The following TERT variants were observed in gnomAD, a reference collection of about 807,000 sequenced individuals.
TERT encodes telomerase catalytic subunit.
A neutral mutation model predicts 104.0 loss-of-function variants in TERT; 42 were observed. That is an observed-to-expected ratio of 0.40 (90% confidence interval 0.32 to 0.52). TERT has a LOEUF of 0.52. Ranked by LOEUF, TERT falls within the 20% of genes least tolerant of loss-of-function variation. The probability of loss-of-function intolerance (pLI) is 0.43; values close to 1 mark genes in which losing one functional copy is unlikely to be tolerated. For synonymous variants in TERT, 781 were observed against 725.6 expected (o/e 1.08, Z -1.23); for missense variants, 1,101 against 1,610.3 (o/e 0.68, Z 5.41).
In TERT at chr5:1,293,684, G is replaced by A. The variant is rs539667998; in HGVS notation, c.1202C>T (p.Ala401Val). 9.5e-6 allele frequency: 15 copies of A among 1,573,188 alleles called. No individual in the cohort carries two copies. In the South Asian group the frequency reaches 1.4e-4, roughly 15 times the overall value. The part of the protein sequence containing the change: ...PLFLELLGNH[A>V]QCPYGVLLKT... ...GAGGAGCACCCCGTAGGGGCACTGCGCGTGGTTCCCAAGCAGCTCCAGAAA... is the reference window on the plus strand; with the variant it reads ...GAGGAGCACCCCGTAGGGGCACTGCACGTGGTTCCCAAGCAGCTCCAGAAA... Residue 401 changes from alanine (A) to valine (V), a missense_variant, in exon 2 of 16, where the codon GCG becomes GTG. Coordinates refer to ENST00000310581, the MANE Select transcript of TERT (RefSeq NM_198253.3).
Position 1,270,983 on chromosome 5 carries a change from G to A in TERT, c.2468+136C>T. 1.4e-6 allele frequency: 1 copy of A among 710,566 alleles called. No individual in the cohort carries two copies. The highest frequency in any genetic ancestry group is 2.4e-6 in the Non-Finnish European group (1 of 412,424). 44.0% of individuals were successfully genotyped at this position (710,566 alleles called of 1,614,324 possible). ...AGCCTGCAGCCCAGGAGCCGGAGGG[G>A]GCGGGGGCCAGAAAAGGAGACTCTG... On this transcript the variant is annotated intron_variant, in intron 8 of 15. Coordinates refer to ENST00000310581, the MANE Select transcript of TERT (RefSeq NM_198253.3). The surrounding 1 kb of genome is among the most constrained non-coding windows in gnomAD (Gnocchi z 8.3).
At chr5:1,277,053 G>A (rs940056982) in intron 6 of TERT, among the ~76,000 whole-genome samples, 3 of 152,216 alleles carry the variant, frequency 2.0e-5, no homozygotes, top group African/African-American at 7.2e-5. Flanking sequence ...GGGGCAGGAC[G>A]GACAGCCACC....
At position 1,286,109 on chromosome 5, in the gene TERT, G is replaced by A. The variant is rs1014193361; in HGVS notation, c.1574-3485C>T. On this transcript the variant is annotated intron_variant, in intron 2 of 15. Transcript: ENST00000310581. The surrounding 1 kb of genome is among the most constrained non-coding windows in gnomAD (Gnocchi z 5.3). Reference sequence around the variant, plus strand: ...CAGGCTGAACCCAGGCCGAGCGGACGTTGCTGTCACTCACTGGCTAAGGAA... The same window carrying A: ...CAGGCTGAACCCAGGCCGAGCGGACATTGCTGTCACTCACTGGCTAAGGAA... Among the ~76,000 whole-genome samples, 4 of 152,268 alleles carry A rather than the reference G, an allele frequency of 2.6e-5. No homozygotes were observed. Among genetic ancestry groups the A allele is most frequent in the East Asian group, 1.9e-4 (1 of 5,164 alleles).
In TERT at chr5:1,253,592, CCAAA is replaced by C. The variant is rs1396223784; in HGVS notation, c.*132_*135del. On this transcript the variant is annotated 3_prime_UTR_variant, in exon 16 of 16. Coordinates refer to ENST00000310581, the MANE Select transcript of TERT (RefSeq NM_198253.3). ...CTTCAGCCGGACATGCAGGCCTCGG[CCAAA>C]CACTCACTCAGGCCTCAGACTCCCA... 6.7e-6 allele frequency: 5 copies of C among 750,414 alleles called. No homozygotes were observed. Among genetic ancestry groups the C allele is most frequent in the Non-Finnish European group, 9.0e-6 (4 of 442,400 alleles). The allele number at this position is 750,414 out of a possible 1,614,324, so 46.5% of individuals were successfully genotyped here. A position where few individuals can be genotyped will look rare whatever the true frequency, so the allele number is the denominator to read the frequency against.
chr5:1,260,558 G>A lies in TERT; in HGVS notation c.2886C>T (p.Arg962=), dbSNP rs542440625. The change falls in exon 12 of 16, where the codon CGC becomes CGT. Residue 962 remains arginine (R), a synonymous_variant. Transcript: ENST00000310581. Reference sequence around the variant, plus strand: ...GCATGTTCCTCCCAGCCTTGAAGCCGCGGTTGAAGGTGAGACTGGCTCTGA... The same window carrying A: ...GCATGTTCCTCCCAGCCTTGAAGCCACGGTTGAAGGTGAGACTGGCTCTGA... ...TSIRASLTFN[R]GFKAGRNMRR... is the part of the protein sequence containing the mutation. 2.9e-5 allele frequency: 47 copies of A among 1,614,186 alleles called. No individual in the cohort carries two copies. The highest frequency in any genetic ancestry group is 1.1e-4 in the East Asian group (5 of 44,886).
At position 1,253,228 on chromosome 5, in the gene TERT, A is replaced by G. The variant is rs564365986; in HGVS notation, c.*500T>C. On this transcript the variant is annotated 3_prime_UTR_variant, in exon 16 of 16. Transcript: ENST00000310581. Reference sequence around the variant, plus strand: ...TTTACTCCCACAGCACCTCCCCCCAATTTGACCCACAGGGACCCCCATCCA... The same window carrying G: ...TTTACTCCCACAGCACCTCCCCCCAGTTTGACCCACAGGGACCCCCATCCA... 14 of 258,388 alleles carry G rather than the reference A, an allele frequency of 5.4e-5. No homozygotes were observed. The highest frequency in any genetic ancestry group is 9.0e-5 in the Non-Finnish European group (12 of 133,510). 16.0% of individuals were successfully genotyped at this position (258,388 alleles called of 1,614,324 possible).
Position 1,286,989 on chromosome 5 carries a change from G to A in TERT, c.1574-4365C>T, listed in dbSNP as rs1014064822. Among the ~76,000 whole-genome samples the A allele has an allele frequency of 4.6e-5, 7 of 152,104 alleles. No individual in the cohort carries two copies. Among genetic ancestry groups the A allele is most frequent in the Admixed American group, 6.6e-5 (1 of 15,266 alleles). ...GCAACGAGAGGATCAACACACACTC[G>A]GCAGGAAACGCACATGGCAACCCAA... On this transcript the variant is annotated intron_variant, in intron 2 of 15. Coordinates refer to ENST00000310581, the MANE Select transcript of TERT (RefSeq NM_198253.3). This position sits in a 1 kb window ranked among gnomAD's most constrained non-coding sequence, Gnocchi z 5.3.
Position 1,253,502 on chromosome 5 carries a change from G to A in TERT, c.*226C>T, listed in dbSNP as rs534356342. On this transcript the variant is annotated 3_prime_UTR_variant, in exon 16 of 16. Transcript: ENST00000310581. Reference sequence around the variant, plus strand: ...CGCCAGCCTGTGGGGAAGTGAAGACGGCAGGTGTGCTGGACACTCAGCCCT... The same window carrying A: ...CGCCAGCCTGTGGGGAAGTGAAGACAGCAGGTGTGCTGGACACTCAGCCCT... 3.9e-5 allele frequency: 23 copies of A among 597,184 alleles called. No individual in the cohort carries two copies. In the South Asian group the frequency reaches 4.2e-4, roughly 11 times the overall value. 37.0% of individuals were successfully genotyped at this position (597,184 alleles called of 1,614,324 possible). A position where few individuals can be genotyped will look rare whatever the true frequency, so the allele number is the denominator to read the frequency against.
rs759314942 is a variant in TERT at position 1,264,416 on chromosome 5, C to T, written c.2831G>A (p.Ser944Asn). The T allele has an allele frequency of 9.9e-6, 16 of 1,612,956 alleles. No homozygotes were observed. Among genetic ancestry groups the T allele is most frequent in the Non-Finnish European group, 1.3e-5 (15 of 1,179,864 alleles). The change falls in exon 11 of 16, where the codon AGC (serine) becomes AAC (asparagine). Residue 944 changes from serine (S) to asparagine (N), a missense_variant. By Grantham distance (46) the Ser-to-Asn change is conservative (BLOSUM62 1). Coordinates refer to ENST00000310581, the MANE Select transcript of TERT (RefSeq NM_198253.3). ...LLDTRTLEVQ[S>N]DYSSYARTSI... ...CAGGTGCGCTCACCTGGAGTAGTCG[C>T]TCTGCACCTCCAGGGTCCGGGTATC...
Position 1,294,524 on chromosome 5 carries a change from C to T in TERT, c.362G>A (p.Ser121Asn), listed in dbSNP as rs1751257719. ...PPEAFTTSVR[S>N]YLPNTVTDAL... ...GTCGGTCACCGTGTTGGGCAGGTAG[C>T]TGCGCACGCTGGTGGTGAAGGCCTC... is the stretch of plus-strand genomic sequence containing the variant. Residue 121 changes from serine (S) to asparagine (N), a missense_variant, in exon 2 of 16, where the codon AGC becomes AAC. Transcript: ENST00000310581. 1.3e-6 allele frequency: 2 copies of T among 1,577,190 alleles called. No individual in the cohort carries two copies. Among genetic ancestry groups the T allele is most frequent in the African/African-American group, 1.3e-5 (1 of 74,368 alleles).
chr5:1,268,431 G>A lies in TERT; in HGVS notation c.2582+89C>T. Reference sequence around the variant, plus strand: ...GGTTCCTCAAGACAGAGCAGTCATGGTCTCCAGAGCACCAGGAATATTAAC... The same window carrying A: ...GGTTCCTCAAGACAGAGCAGTCATGATCTCCAGAGCACCAGGAATATTAAC... On this transcript the variant is annotated intron_variant, in intron 9 of 15. Transcript: ENST00000310581. The surrounding 1 kb of genome is among the most constrained non-coding windows in gnomAD (Gnocchi z 5.5). 4 of 1,027,066 alleles carry A rather than the reference G, an allele frequency of 3.9e-6. No individual in the cohort carries two copies. The highest frequency in any genetic ancestry group is 5.9e-6 in the Non-Finnish European group (4 of 672,956). The allele number at this position is 1,027,066 out of a possible 1,614,324, so 63.6% of individuals were successfully genotyped here.
Position 1,270,600 on chromosome 5 carries a change from G to A in TERT, c.2468+519C>T, listed in dbSNP as rs889595339. On this transcript the variant is annotated intron_variant, in intron 8 of 15. Coordinates refer to ENST00000310581, the MANE Select transcript of TERT (RefSeq NM_198253.3). The surrounding 1 kb of genome is among the most constrained non-coding windows in gnomAD (Gnocchi z 8.3). ...ATGGCCACCACAGGCCCCCCGAGAGGAGCAAACTACACGGTCAACCCCGCA... is the reference window on the plus strand; with the variant it reads ...ATGGCCACCACAGGCCCCCCGAGAGAAGCAAACTACACGGTCAACCCCGCA... Among the ~76,000 whole-genome samples the A allele has an allele frequency of 2.6e-5, 4 of 152,232 alleles. No homozygotes were observed. Among genetic ancestry groups the A allele is most frequent in the Admixed American group, 6.5e-5 (1 of 15,290 alleles).
intron 3 of TERT, among the ~76,000 whole-genome samples, chr5:1,281,185 G>A (rs1749999370): frequency 6.6e-6 from 1 of 152,240 alleles, no homozygotes; most frequent in Non-Finnish European, 1.5e-5. Context: ...ACCATGTTGG[G>A]TCGCACACCA....
In TERT at chr5:1,293,727, A is replaced by T; in HGVS notation, c.1159T>A (p.Trp387Arg). 1 of 1,570,198 alleles carries T rather than the reference A, an allele frequency of 6.4e-7. No homozygotes were observed. Among genetic ancestry groups the T allele is most frequent in the Non-Finnish European group, 8.6e-7 (1 of 1,158,034 alleles). Residue 387 changes from tryptophan (W) to arginine (R), a missense_variant, in exon 2 of 16, where the codon TGG (tryptophan) becomes AGG (arginine). By Grantham distance (101) the Trp-to-Arg change is moderately radical (BLOSUM62 -3). Around this residue, in one of 5 missense-constraint regions of TERT, gnomAD observed 504 missense variants for 544.6 expected, o/e 0.93. Coordinates refer to ENST00000310581, the MANE Select transcript of TERT (RefSeq NM_198253.3). ...TCCAGAAACAGGGGCCGCATTTGCC[A>T]GTAGCGCTGGGGCAGGCGGGGCAAC... is the stretch of plus-strand genomic sequence containing the variant. ...RRLPRLPQRYWQMRPLFLELL... is the reference protein window; with the variant it reads ...RRLPRLPQRYRQMRPLFLELL...
chr5:1,254,519 G>A lies in TERT; in HGVS notation c.3158-14C>T, dbSNP rs1747578615. On this transcript the variant is annotated splice_polypyrimidine_tract_variant and intron_variant, in intron 14 of 15. Transcript: ENST00000310581. ...CCAGCGACATCCCTGGGGGAAAACAGAGGCTGAGGAGTCACAGGCCCAGCC... is the reference window on the plus strand; with the variant it reads ...CCAGCGACATCCCTGGGGGAAAACAAAGGCTGAGGAGTCACAGGCCCAGCC... 6.2e-7 allele frequency: 1 copy of A among 1,607,494 alleles called. No individual in the cohort carries two copies. Among genetic ancestry groups the A allele is most frequent in the Admixed American group, 1.7e-5 (1 of 59,328 alleles).
At position 1,278,441 on chromosome 5, in the gene TERT, C is replaced by CCACA. The variant is rs112536335; in HGVS notation, c.2286+196_2286+199dup. Among the ~76,000 whole-genome samples the CCACA allele has an allele frequency of 5.5e-4, 84 of 151,510 alleles. 4 individuals are homozygous for CCACA. Among genetic ancestry groups the CCACA allele is most frequent in the Middle Eastern group, 6.8e-3 (2 of 294 alleles). ...CACACACACCATGGACACACACGTG[C>CCACA]CACACACACACACACCACAAATATG... On this transcript the variant is annotated intron_variant, in intron 6 of 15. Coordinates refer to ENST00000310581, the MANE Select transcript of TERT (RefSeq NM_198253.3).
intron 2 of TERT, among the ~76,000 whole-genome samples, chr5:1,285,480 G>C (rs1322930578): frequency 1.3e-5 from 2 of 151,940 alleles, no homozygotes; most frequent in Admixed American, 6.6e-5. Flanking sequence ...AAAATGATGA[G>C]GTGTGGACAT....
At chr5:1,266,605 T>A (rs1748626172) in intron 9 of TERT, 70 bp from the exon 10 acceptor site, 3 of 1,261,270 alleles carry the variant, frequency 2.4e-6, no homozygotes, top group Non-Finnish European at 3.4e-6. Context: ...TACGAGGGAC[T>A]GAATGTCAAA....
chr5:1,256,845 G>T lies in TERT; in HGVS notation c.3033-1434C>A, dbSNP rs1747776911. 6.6e-6 allele frequency among the ~76,000 whole-genome samples: 1 copy of T among 152,234 alleles called. No individual in the cohort carries two copies. Among genetic ancestry groups the T allele is most frequent in the Admixed American group, 6.5e-5 (1 of 15,290 alleles). On this transcript the variant is annotated intron_variant, in intron 13 of 15. Transcript: ENST00000310581. This position sits in a 1 kb window ranked among gnomAD's most constrained non-coding sequence, Gnocchi z 7.0. ...CTTCCAAAGGGAGAAATAGCCACCT[G>T]CTAGAGGTCGGGGCGTCCACCCCAA...
Sources: allele counts gnomAD v4.1 joint callset (sites outside exome capture counted in the v4.1 genomes callset), GRCh38; gene constraint gnomAD v4.1.1; regional missense constraint gnomAD v4.1.1; non-coding constraint Gnocchi (gnomAD v3.1); transcripts MANE v1.5; gene names NCBI Gene and HGNC (gene_info 2026-07-23, HGNC 2026-07-21).